The following MYT1L variants were observed in gnomAD, a reference collection of about 807,000 sequenced individuals.
MYT1L encodes the protein myelin transcription factor 1 like, also known as myelin transcription factor 1-like protein.
MYT1L carries 12 observed loss-of-function variants against 126.7 expected under a neutral mutation model. That is an observed-to-expected ratio of 0.09 (90% CI 0.06 to 0.15). The LOEUF is 0.15. MYT1L is among the 10% of genes least tolerant of loss of function. The pLI is 1.00. For missense variants in MYT1L, 979 were observed against 1,585.2 expected (o/e 0.62, Z 6.49); for synonymous variants, 541 against 604.2 (o/e 0.90, Z 1.53).
intron 1 of MYT1L, among the ~76,000 whole-genome samples, chr2:2,320,575 C>A (rs1169362768): frequency 2.0e-5 from 3 of 151,934 alleles, no homozygotes; most frequent in African/African-American, 7.3e-5. Flanking sequence ...AGAGAAACAG[C>A]ACAACACTGT....
At chr2:1,956,613 T>TA (rs1189601889) in intron 8 of MYT1L, among the ~76,000 whole-genome samples, 3 of 149,538 alleles carry the variant, frequency 2.0e-5, no homozygotes, top group Admixed American at 6.6e-5. Context: ...TCTATCTATC[T>TA]ATCTATCTAC....
At chr2:2,109,324 G>A (rs1356300823) in intron 3 of MYT1L, among the ~76,000 whole-genome samples, 2 of 152,162 alleles carry the variant, frequency 1.3e-5, no homozygotes, top group Non-Finnish European at 2.9e-5. Flanking sequence ...CCCTGACAGC[G>A]GATCCAGCCC....
intron 21 of MYT1L, among the ~76,000 whole-genome samples, chr2:1,823,426 G>C (rs928434539): frequency 6.6e-6 from 1 of 152,234 alleles, no homozygotes; most frequent in Non-Finnish European, 1.5e-5. Context: ...CTGGCTCAGG[G>C]CTTCGGCTCC....
chr2:2,100,581 G>C (rs1278863613), intron 3 of MYT1L, among the ~76,000 whole-genome samples: 3 of 152,102 alleles, frequency 2.0e-5, no homozygotes, highest in African/African-American at 7.2e-5. Flanking sequence ...ATGGACACTG[G>C]TCTCCACAGA....
chr2:2,222,229 G>C (rs551962001), intron 2 of MYT1L, among the ~76,000 whole-genome samples: 2 of 152,128 alleles, frequency 1.3e-5, no homozygotes, highest in Non-Finnish European at 2.9e-5. Context: ...ATGTGGCTCA[G>C]GCCTGTCTGT....
chr2:2,293,493 G>C (rs2095629307), intron 1 of MYT1L, among the ~76,000 whole-genome samples: 1 of 152,218 alleles, frequency 6.6e-6, no homozygotes, highest in Non-Finnish European at 1.5e-5. Flanking sequence ...GGTGAGCACT[G>C]TTCCCACACA....
chr2:1,887,594 G>A lies in MYT1L; in HGVS notation c.2536C>T (p.Pro846Ser), dbSNP rs539249633. 2 of 1,613,948 alleles carry A rather than the reference G, an allele frequency of 1.2e-6. No individual in the cohort carries two copies. The highest frequency in any genetic ancestry group is 1.1e-5 in the South Asian group (1 of 91,074). Residue 846 changes from proline (P) to serine (S), a missense_variant, in exon 17 of 25, where the codon CCA (proline) becomes TCA (serine). This residue lies in a region of MYT1L where 141 missense variants were observed against 170.6 expected (regional missense o/e 0.83). Transcript: ENST00000647738. The surrounding 1 kb of genome is among the most constrained non-coding windows in gnomAD (Gnocchi z 4.8). ...CTTTCTTCTAGAGCCTCCTGGAATG[G>A]GTCCAAGTCTTCTGGCTGTGGGCAA... is the stretch of plus-strand genomic sequence containing the variant. ...SKDITPEDLD[P>S]FQEALEERRY...
intron 3 of MYT1L, among the ~76,000 whole-genome samples, chr2:2,103,908 C>T (rs2078422424): frequency 1.3e-5 from 2 of 152,216 alleles, no homozygotes; most frequent in Non-Finnish European, 2.9e-5. Context: ...GGTTTCTCCA[C>T]AGCTCAGTCG....
chr2:1,837,287 A>C (rs1448325514), intron 21 of MYT1L, among the ~76,000 whole-genome samples: 1 of 152,246 alleles, frequency 6.6e-6, no homozygotes, highest in African/African-American at 2.4e-5. Flanking sequence ...GGCAGCTCTG[A>C]ACCAGTGCCG....
chr2:2,024,917 C>T (rs1000738656), intron 4 of MYT1L, among the ~76,000 whole-genome samples: 7 of 152,260 alleles, frequency 4.6e-5, no homozygotes, highest in African/African-American at 1.4e-4. Context: ...TAGCTCCCAC[C>T]GCGTGGACGC....
At chr2:1,992,544 C>T (rs905156004) in intron 5 of MYT1L, among the ~76,000 whole-genome samples, 3 of 152,174 alleles carry the variant, frequency 2.0e-5, no homozygotes, top group African/African-American at 7.2e-5. Flanking sequence ...CTGCTGATTA[C>T]CCCAAGTCTA....
intron 1 of MYT1L, chr2:2,325,521 TG>T (rs1474791302): frequency 7.2e-5 from 11 of 152,224 alleles, no homozygotes; most frequent in African/African-American, 2.7e-4. Context: ...AGATACCTGA[TG>T]TTCATTAGCA....
chr2:1,935,627 T>A (rs1273693565), intron 9 of MYT1L, among the ~76,000 whole-genome samples: 2 of 152,196 alleles, frequency 1.3e-5, no homozygotes, highest in Admixed American at 6.5e-5. Flanking sequence ...CGTACTATTA[T>A]CCTAATCTTA....
Position 2,223,454 on chromosome 2 carries a change from C to T in MYT1L, c.-420-50466G>A, listed in dbSNP as rs1387516599. On this transcript the variant is annotated intron_variant, in intron 2 of 24. Coordinates refer to ENST00000647738, the MANE Select transcript of MYT1L (RefSeq NM_001303052.2). ...AAAATGAAGTCAGATTTATAGACTT[C>T]TTAATCTTTCTTTTTTATAAAAACT... 2.6e-5 allele frequency among the ~76,000 whole-genome samples: 4 copies of T among 152,156 alleles called. No homozygotes were observed. In the East Asian group the frequency reaches 7.7e-4, roughly 29 times the overall value.
At chr2:2,217,525 A>G (rs1312283083) in intron 2 of MYT1L, among the ~76,000 whole-genome samples, 5 of 152,068 alleles carry the variant, frequency 3.3e-5, no homozygotes, top group Admixed American at 3.3e-4. Flanking sequence ...TCTACTAAAA[A>G]TACAAAAATT....
chr2:1,942,904 G>C, intron 9 of MYT1L, 78 bp downstream of exon 9: 1 of 1,453,052 alleles, frequency 6.9e-7, no homozygotes, highest in Non-Finnish European at 9.1e-7. Flanking sequence ...CCAGTCATTC[G>C]TAGTAACAGC....
chr2:1,887,419 G>C lies in MYT1L; in HGVS notation c.2642+69C>G. The C allele has an allele frequency of 1.2e-6, 2 of 1,604,510 alleles. No individual in the cohort carries two copies. The highest frequency in any genetic ancestry group is 1.1e-5 in the South Asian group (1 of 90,576). ...AAACGGCAAGGCATATACAGATCCA[G>C]TTTTAAAAAATCAGCCAAAGAATGG... On this transcript the variant is annotated intron_variant, in intron 17 of 24. Transcript: ENST00000647738. This position sits in a 1 kb window ranked among gnomAD's most constrained non-coding sequence, Gnocchi z 4.8.
intron 4 of MYT1L, among the ~76,000 whole-genome samples, chr2:2,009,682 C>T (rs1428499710): frequency 2.0e-5 from 3 of 151,948 alleles, no homozygotes; most frequent in African/African-American, 7.3e-5. Flanking sequence ...GAAGTGGATC[C>T]CTTTTGTTTA....
intron 3 of MYT1L, among the ~76,000 whole-genome samples, chr2:2,086,294 G>C (rs750973030): frequency 1.3e-5 from 2 of 152,156 alleles, no homozygotes; most frequent in Admixed American, 1.3e-4. Flanking sequence ...GTATGGGGCC[G>C]TTAAACCAAT....
Sources: allele counts gnomAD v4.1 joint callset (sites outside exome capture counted in the v4.1 genomes callset), GRCh38; gene constraint gnomAD v4.1.1; regional missense constraint gnomAD v4.1.1; non-coding constraint Gnocchi (gnomAD v3.1); transcripts MANE v1.5; gene names NCBI Gene and HGNC (gene_info 2026-07-23, HGNC 2026-07-21).